The following DDX19B variants were observed in gnomAD, a reference collection of about 807,000 sequenced individuals.
DDX19B encodes the protein DEAD-box helicase 19B.
A neutral mutation model predicts 58.1 loss-of-function variants in DDX19B; 27 were observed. That is an observed-to-expected ratio of 0.46 (90% CI 0.34 to 0.64). The LOEUF (loss-of-function observed/expected upper bound fraction) is 0.64. DDX19B is among the 30% of genes least tolerant of loss of function. The pLI, the probability that DDX19B is intolerant of heterozygous loss-of-function variation, is 0.01. For missense variants in DDX19B, 399 were observed against 596.5 expected (o/e 0.67, Z 3.45); for synonymous variants, 187 against 214.4 (o/e 0.87, Z 1.12).
At chr16:70,317,235 G>C (rs541296682) in intron 4 of DDX19B, 77 of 195,954 alleles carry the variant, frequency 3.9e-4, no homozygotes, top group Admixed American at 7.5e-4. Context: ...AAAAAAATTA[G>C]CGGGGCATGG....
At chr16:70,326,603 C>G (rs1963158762) in intron 7 of DDX19B, among the ~76,000 whole-genome samples, 1 of 152,184 alleles carries the variant, frequency 6.6e-6, no homozygotes, top group East Asian at 1.9e-4. Context: ...GTGGCATGAT[C>G]TTGGCTCACT....
chr16:70,290,212 G>C (rs1172999010), upstream of DDX19B, among the ~76,000 whole-genome samples: 1 of 152,048 alleles, frequency 6.6e-6, no homozygotes, highest in Non-Finnish European at 1.5e-5. Context: ...AGACCAGCCT[G>C]GTCAACATAA....
intron 1 of DDX19B, among the ~76,000 whole-genome samples, chr16:70,305,985 G>A (rs1597467583): frequency 2.0e-5 from 3 of 151,912 alleles, no homozygotes; most frequent in African/African-American, 7.3e-5. Context: ...GGATGGTCTC[G>A]ATCTTCTGAC....
At chr16:70,299,115 G>A, upstream of DDX19B, 3 of 1,335,398 alleles carry the variant, frequency 2.2e-6, no homozygotes, top group Non-Finnish European at 2.9e-6. Flanking sequence ...AGAATCGACA[G>A]CCTCAAGTGG....
chr16:70,294,072 ATTTTTTTTTT>A (rs35683856), upstream of DDX19B, among the ~76,000 whole-genome samples: 1 of 63,100 alleles, frequency 1.6e-5, no homozygotes, highest in African/African-American at 7.4e-5. Context: ...GAGAGCCTGA[ATTTTTTTTTT>A]TTTTTTTTTT....
chr16:70,316,628 C>T (rs545838876), intron 4 of DDX19B, among the ~76,000 whole-genome samples: 1 of 152,252 alleles, frequency 6.6e-6, no homozygotes, highest in African/African-American at 2.4e-5. Context: ...CCAGCCTGGG[C>T]AACATAGCGA....
In DDX19B at chr16:70,333,764, GA is replaced by G. The variant is rs1002328718; in HGVS notation, c.*189del. The G allele has an allele frequency of 4.8e-5, 41 of 858,996 alleles. 3 individuals carry two copies. The highest frequency in any genetic ancestry group is 3.1e-4 in the African/African-American group (18 of 58,794). 53.2% of individuals were successfully genotyped at this position (858,996 alleles called of 1,614,324 possible). On this transcript the variant is annotated 3_prime_UTR_variant, in exon 12 of 12. Coordinates refer to ENST00000288071, the MANE Select transcript of DDX19B (RefSeq NM_007242.7). ...TGTATGCAAATGATGGGGGATGGTAGAAAAAAATTATTTACACAACCTTGGA... is the reference window on the plus strand; with the variant it reads ...TGTATGCAAATGATGGGGGATGGTAGAAAAAATTATTTACACAACCTTGGA...
chr16:70,297,282 G>A (rs1371333273), upstream of DDX19B, among the ~76,000 whole-genome samples: 3 of 151,838 alleles, frequency 2.0e-5, no homozygotes, highest in East Asian at 1.9e-4. Flanking sequence ...GCATGATCTC[G>A]GCTCACTGCA....
At position 70,333,765 on chromosome 16, in the gene DDX19B, A is replaced by G; in HGVS notation, c.*183A>G. 1 of 848,118 alleles carries G rather than the reference A, an allele frequency of 1.2e-6. No homozygotes were observed. The allele number at this position is 848,118 out of a possible 1,614,324, so 52.5% of individuals were successfully genotyped here. A position where few individuals can be genotyped will look rare whatever the true frequency, so the allele number is the denominator to read the frequency against. ...GTATGCAAATGATGGGGGATGGTAG[A>G]AAAAAATTATTTACACAACCTTGGA... On this transcript the variant is annotated 3_prime_UTR_variant, in exon 12 of 12. Transcript: ENST00000288071.
intron 7 of DDX19B, among the ~76,000 whole-genome samples, chr16:70,327,546 CA>C (rs1053203527): frequency 7.0e-5 from 10 of 142,634 alleles, no homozygotes; most frequent in Non-Finnish European, 1.5e-5. Flanking sequence ...ACAAAACAAA[CA>C]AAAAAAAACA....
At chr16:70,319,954 C>G (rs1039353146) in intron 5 of DDX19B, among the ~76,000 whole-genome samples, 2 of 152,040 alleles carry the variant, frequency 1.3e-5, no homozygotes, top group Non-Finnish European at 2.9e-5. Flanking sequence ...GTTTTTTGTT[C>G]TGTGTCATAA....
At chr16:70,290,545 A>T (rs1227812945), upstream of DDX19B, among the ~76,000 whole-genome samples, 3 of 152,090 alleles carry the variant, frequency 2.0e-5, no homozygotes, top group Non-Finnish European at 4.4e-5. Flanking sequence ...AATAAAAAAT[A>T]AAAATTAGCC....
At chr16:70,313,518 T>G (rs1962194218) in intron 2 of DDX19B, among the ~76,000 whole-genome samples, 1 of 152,162 alleles carries the variant, frequency 6.6e-6, no homozygotes, top group Non-Finnish European at 1.5e-5. Flanking sequence ...GAACAAAGAA[T>G]GAGGCTACTT....
chr16:70,318,863 G>C (rs1208968590), intron 5 of DDX19B, among the ~76,000 whole-genome samples: 5 of 151,142 alleles, frequency 3.3e-5, no homozygotes, highest in African/African-American at 1.2e-4. Flanking sequence ...CCAGCACTTT[G>C]GGAGGCCTAG....
Position 70,316,109 on chromosome 16 carries a change from G to C in DDX19B, c.296+5G>C. The C allele has an allele frequency of 6.2e-7, 1 of 1,613,630 alleles. No individual in the cohort carries two copies. Among genetic ancestry groups the C allele is most frequent in the Non-Finnish European group, 8.5e-7 (1 of 1,179,808 alleles). On this transcript the variant is annotated splice_donor_5th_base_variant and intron_variant, in intron 4 of 11. Transcript: ENST00000288071. ...GTCTTTTGAAGAGCTTCGGCTGTGA[G>C]TATTTATTCACCTTCTGACTCTTCC...
upstream of DDX19B, among the ~76,000 whole-genome samples, chr16:70,293,276 G>A (rs1961105756): frequency 6.6e-6 from 1 of 151,454 alleles, no homozygotes; most frequent in African/African-American, 2.4e-5. Context: ...AAATTAGCTG[G>A]GCATGGTGGC....
intron 2 of DDX19B, among the ~76,000 whole-genome samples, chr16:70,314,638 T>TG (rs1286670360): frequency 1.3e-5 from 2 of 152,118 alleles, no homozygotes; most frequent in African/African-American, 4.8e-5. Flanking sequence ...CACTCCAGCC[T>TG]GGGCGACAGA....
chr16:70,309,817 C>CAAAAAAAA (rs61033553), intron 1 of DDX19B, among the ~76,000 whole-genome samples: 960 of 42,296 alleles, frequency 0.023, 123 homozygotes, highest in African/African-American at 0.059. Flanking sequence ...GACTCCGTCT[C>CAAAAAAAA]AAAAAAAAAA....
intron 10 of DDX19B, among the ~76,000 whole-genome samples, chr16:70,332,747 C>G (rs1012036159): frequency 6.6e-6 from 1 of 152,144 alleles, no homozygotes. Context: ...CCCCCTGACC[C>G]GTGCTAGTTT....
Sources: gnomAD v4.1 joint callset for allele counts (sites outside exome capture counted in the v4.1 genomes callset) on GRCh38, gnomAD v4.1.1 for gene constraint, MANE v1.5 for transcripts, NCBI Gene and HGNC (gene_info 2026-07-23, HGNC 2026-07-21) for gene names.